Variants in TC2N observed in about 807,000 individuals in gnomAD.
The protein encoded by TC2N is tandem C2 domains, nuclear.
A neutral mutation model predicts 61.9 loss-of-function variants in TC2N; 51 were observed. The observed-to-expected ratio is 0.82, with a 90% confidence interval of 0.66 to 1.04. The LOEUF (loss-of-function observed/expected upper bound fraction) is 1.04, where lower values mean the gene tolerates loss of function less well. Ranked by LOEUF, TC2N falls within the 50% of genes least tolerant of loss-of-function variation. TC2N has a pLI of 0.00. For missense variants in TC2N, 556 were observed against 566.7 expected (o/e 0.98, Z 0.19); for synonymous variants, 204 against 192.6 (o/e 1.06, Z -0.49).
Position 91,798,998 on chromosome 14 carries a change from TG to T in TC2N, c.627del (p.Asn209LysfsTer19). On this transcript the variant is annotated frameshift_variant, in exon 6 of 12. Coordinates refer to ENST00000435962, the MANE Select transcript of TC2N (RefSeq NM_001128596.3). LOFTEE classifies it high-confidence loss of function. The part of the protein sequence containing the change: ...SSSRKNSQGS[N>X]RSLDTITLSG... ...ATACTTTATTCCTTACCCAGGCTTC[TG>T]TTACTCCCCTGAGAATTTTTCCTTG... 1 of 1,597,266 alleles carries T rather than the reference TG, an allele frequency of 6.3e-7. No homozygotes were observed. Among genetic ancestry groups the T allele is most frequent in the Non-Finnish European group, 8.5e-7 (1 of 1,169,968 alleles).
chr14:91,861,020 T>C (rs1382726630), intron 1 of TC2N, among the ~76,000 whole-genome samples: 1 of 152,142 alleles, frequency 6.6e-6, no homozygotes. Flanking sequence ...GTAGATTACA[T>C]GAAGAACAGA....
At chr14:91,798,270 A>G (rs1270375707) in intron 7 of TC2N, 29 bp downstream of exon 7, 4 of 1,197,450 alleles carry the variant, frequency 3.3e-6, no homozygotes, top group Admixed American at 2.4e-5. Context: ...ATTTTGTAAT[A>G]AAAGCTGGTA....
At chr14:91,842,338 C>G (rs1888179604) in intron 1 of TC2N, among the ~76,000 whole-genome samples, 1 of 152,304 alleles carries the variant, frequency 6.6e-6, no homozygotes, top group South Asian at 2.1e-4. Flanking sequence ...TCTATAGGAA[C>G]TACAGAAATT....
chr14:91,845,750 GCTT>G (rs1888258027), intron 1 of TC2N, among the ~76,000 whole-genome samples: 1 of 152,192 alleles, frequency 6.6e-6, no homozygotes. Context: ...CATGAAGACT[GCTT>G]CTTTTTGCAC....
intron 1 of TC2N, among the ~76,000 whole-genome samples, chr14:91,859,743 A>G (rs1888553830): frequency 6.6e-6 from 1 of 152,224 alleles, no homozygotes; most frequent in Non-Finnish European, 1.5e-5. Context: ...GAAAGTTCCT[A>G]GAGAGGCTGA....
chr14:91,840,698 G>A (rs890568990), intron 1 of TC2N, among the ~76,000 whole-genome samples: 1 of 152,210 alleles, frequency 6.6e-6, no homozygotes, highest in East Asian at 1.9e-4. Flanking sequence ...AAAAGGTCTT[G>A]AATAGCTTAC....
At chr14:91,858,000 C>G (rs547118368) in intron 1 of TC2N, among the ~76,000 whole-genome samples, 1 of 152,110 alleles carries the variant, frequency 6.6e-6, no homozygotes, top group Non-Finnish European at 1.5e-5. Flanking sequence ...GGGTATTACT[C>G]TGTTGCCCAG....
chr14:91,846,823 T>C (rs1225453837), intron 1 of TC2N, among the ~76,000 whole-genome samples: 3 of 152,234 alleles, frequency 2.0e-5, no homozygotes, highest in African/African-American at 7.2e-5. Flanking sequence ...GGCTGTTCGT[T>C]AAGGACATTC....
At chr14:91,826,295 G>A (rs1887496486) in intron 1 of TC2N, among the ~76,000 whole-genome samples, 1 of 146,516 alleles carries the variant, frequency 6.8e-6, no homozygotes, top group Admixed American at 6.9e-5. Context: ...ACTACAGCCT[G>A]GGTGACAGGG....
chr14:91,802,243 G>T lies in TC2N; in HGVS notation c.469+11C>A, dbSNP rs1886285665. ...AAACACAGAGAGGAAAAGCACAAAAGATCTTCATACCCGATCCATACAGTC... is the reference window on the plus strand; with the variant it reads ...AAACACAGAGAGGAAAAGCACAAAATATCTTCATACCCGATCCATACAGTC... On this transcript the variant is annotated intron_variant, in intron 4 of 11. Transcript: ENST00000435962. The T allele has an allele frequency of 1.3e-6, 2 of 1,504,916 alleles. No individual in the cohort carries two copies. The highest frequency in any genetic ancestry group is 1.4e-5 in the South Asian group (1 of 73,198). The allele number at this position is 1,504,916 out of a possible 1,614,324, so 93.2% of individuals were successfully genotyped here. A position where few individuals can be genotyped will look rare whatever the true frequency, so the allele number is the denominator to read the frequency against.
At chr14:91,802,779 G>C (rs1051277206) in intron 3 of TC2N, among the ~76,000 whole-genome samples, 1 of 150,908 alleles carries the variant, frequency 6.6e-6, no homozygotes. Flanking sequence ...AGAAGACGTA[G>C]AACATTTATT....
At chr14:91,856,940 T>C (rs1888495125) in intron 1 of TC2N, among the ~76,000 whole-genome samples, 1 of 152,200 alleles carries the variant, frequency 6.6e-6, no homozygotes, top group African/African-American at 2.4e-5. Context: ...AGCCAGCTGT[T>C]TTCAGATCAC....
At chr14:91,849,317 A>G (rs1428832960) in intron 1 of TC2N, among the ~76,000 whole-genome samples, 6 of 152,068 alleles carry the variant, frequency 3.9e-5, no homozygotes, top group African/African-American at 1.2e-4. Flanking sequence ...AACTGTAACT[A>G]GAAAAAAAAA....
intron 1 of TC2N, among the ~76,000 whole-genome samples, chr14:91,818,230 A>G (rs1887090088): frequency 6.6e-6 from 1 of 152,184 alleles, no homozygotes. Flanking sequence ...AATGGAGATC[A>G]GCAGAGGGTC....
chr14:91,812,080 T>C (rs1481957208), intron 3 of TC2N: 2 of 238,230 alleles, frequency 8.4e-6, no homozygotes. Flanking sequence ...GCCAATTACA[T>C]ATTATTTCTT....
At chr14:91,822,951 G>A (rs915163116) in intron 1 of TC2N, among the ~76,000 whole-genome samples, 1 of 151,550 alleles carries the variant, frequency 6.6e-6, no homozygotes, top group Non-Finnish European at 1.5e-5. Context: ...TCCTGACCTC[G>A]TGATCCGCCT....
intron 1 of TC2N, among the ~76,000 whole-genome samples, chr14:91,862,828 T>C (rs555123803): frequency 6.6e-6 from 1 of 152,358 alleles, no homozygotes; most frequent in Admixed American, 6.5e-5. Flanking sequence ...CCGGATTCTT[T>C]TCTTTAATCT....
chr14:91,865,860 C>T (rs1888690150), intron 1 of TC2N, among the ~76,000 whole-genome samples: 1 of 151,908 alleles, frequency 6.6e-6, no homozygotes, highest in South Asian at 2.1e-4. Flanking sequence ...TGCATAAACC[C>T]CTGGCTAAAG....
chr14:91,852,287 C>T (rs556616352), intron 1 of TC2N, among the ~76,000 whole-genome samples: 84 of 152,210 alleles, frequency 5.5e-4, no homozygotes, highest in African/African-American at 1.9e-3. Flanking sequence ...AAACCTTAGC[C>T]GGGTGTGGTG....
Sources: gnomAD v4.1 joint callset for allele counts (sites outside exome capture counted in the v4.1 genomes callset) on GRCh38, gnomAD v4.1.1 for gene constraint, MANE v1.5 for transcripts, NCBI Gene and HGNC (gene_info 2026-07-23, HGNC 2026-07-21) for gene names.